Variants in TNFAIP2 observed in about 807,000 individuals in gnomAD.
TNFAIP2 encodes TNF alpha induced protein 2, also known as tumor necrosis factor alpha-induced protein 2.
Under a neutral mutation model 63.5 loss-of-function variants are expected in TNFAIP2, and 47 were observed. That is an observed-to-expected ratio of 0.74 (90% CI 0.59 to 0.94). The LOEUF (loss-of-function observed/expected upper bound fraction) is 0.94, where lower values mean the gene tolerates loss of function less well. Ranked by LOEUF, TNFAIP2 falls within the 40% of genes least tolerant of loss-of-function variation. TNFAIP2 has a pLI of 0.00. For missense variants in TNFAIP2, 787 were observed against 850.2 expected, an observed-to-expected ratio of 0.93 and a Z score of 0.92; for synonymous variants, 405 against 390.2, an observed-to-expected ratio of 1.04 and a Z score of -0.45.
At chr14:103,122,596 TC>T (rs1164012183), upstream of TNFAIP2, 4 of 449,760 alleles carry the variant, frequency 8.9e-6, no homozygotes, top group South Asian at 6.2e-5. Flanking sequence ...CCCCCACATC[TC>T]CCAAAACAAA....
intron 3 of TNFAIP2, 48 bp from the exon 4 acceptor site, chr14:103,129,692 G>A (rs1378116726): frequency 6.4e-7 from 1 of 1,554,734 alleles, no homozygotes; most frequent in Non-Finnish European, 8.9e-7. Context: ...TTGAGTGGTG[G>A]TGCTGATTTG....
Position 103,130,320 on chromosome 14 carries a change from C to T in TNFAIP2, c.1104C>T (p.Thr368=), listed in dbSNP as rs1441017171. 1 of 1,558,762 alleles carries T rather than the reference C, an allele frequency of 6.4e-7. No homozygotes were observed. The highest frequency in any genetic ancestry group is 1.2e-5 in the South Asian group (1 of 84,664). Residue 368 remains threonine, a synonymous_variant, in exon 6 of 12, where the codon ACC becomes ACT. Coordinates refer to ENST00000560869, the MANE Select transcript of TNFAIP2 (RefSeq NM_006291.4). ...CACCCACCACCACCCTGCAGATCAC[C>T]TCCCAGGCCCAGGCCAAGGCCGAGA... is the stretch of plus-strand genomic sequence containing the variant. ...SELAIDIIQI[T]SQAQAKAESI...
rs1342818406 is a variant in TNFAIP2, at chr14:103,136,114, C to T, written c.*754C>T. The T allele has an allele frequency of 8.7e-6, 9 of 1,036,096 alleles. No homozygotes were observed. The African/African-American group carries it at 1.2e-4, about 14-fold the overall frequency. The allele number at this position is 1,036,096 out of a possible 1,614,324, so 64.2% of individuals were successfully genotyped here. On this transcript the variant is annotated 3_prime_UTR_variant, in exon 12 of 12. Transcript: ENST00000560869. Reference sequence around the variant, plus strand: ...CTGGGTCCTCTCAGGCTCCCCCTTCCCCAAGGCAGGGACAGGCCCTGGGGG... The same window carrying T: ...CTGGGTCCTCTCAGGCTCCCCCTTCTCCAAGGCAGGGACAGGCCCTGGGGG...
chr14:103,127,245 C>T lies in TNFAIP2; in HGVS notation c.476C>T (p.Ala159Val). The change falls in exon 3 of 12, where the codon GCG (alanine) becomes GTG (valine). Residue 159 changes from alanine (A) to valine (V), a missense_variant. Coordinates refer to ENST00000560869, the MANE Select transcript of TNFAIP2 (RefSeq NM_006291.4). The surrounding 1 kb of genome is among the most constrained non-coding windows in gnomAD (Gnocchi z 5.1). ...ERLRQALAVV[A>V]EQEREDRQAA... ...CTGCGCCAGGCGCTGGCCGTGGTGG[C>T]GGAGCAGGAGCGCGAGGACCGCCAG... is the stretch of plus-strand genomic sequence containing the variant. The T allele has an allele frequency of 2.8e-6, 3 of 1,060,738 alleles. No homozygotes were observed. Among genetic ancestry groups the T allele is most frequent in the Non-Finnish European group, 3.4e-6 (3 of 878,148 alleles). The allele number at this position is 1,060,738 out of a possible 1,614,324, so 65.7% of individuals were successfully genotyped here. A position where few individuals can be genotyped will look rare whatever the true frequency, so the allele number is the denominator to read the frequency against.
At chr14:103,134,910 T>G (rs1285288997) in intron 11 of TNFAIP2, among the ~76,000 whole-genome samples, 2 of 152,214 alleles carry the variant, frequency 1.3e-5, no homozygotes, top group Non-Finnish European at 2.9e-5. Flanking sequence ...AGGTGCCGAC[T>G]TTAGAGACAA....
rs1190195891 is a variant in TNFAIP2, at chr14:103,129,853, C to T, written c.974C>T (p.Ala325Val). Residue 325 changes from alanine to valine, a missense_variant and splice_region_variant, in exon 4 of 12, where the codon GCG becomes GTG. Ala to Val is a moderately conservative substitution (Grantham distance 64). Coordinates refer to ENST00000560869, the MANE Select transcript of TNFAIP2 (RefSeq NM_006291.4). ...LLEATFLSSE[A>V]ANVRELMDRA... ...GAGGCCACATTCCTGTCCAGTGAGG[C>T]GGTGAGTCTCCACCTGGGCCAGGGA... 8 of 1,613,376 alleles carry T rather than the reference C, an allele frequency of 5.0e-6. No homozygotes were observed. The highest frequency in any genetic ancestry group is 3.3e-5 in the South Asian group (3 of 91,052).
chr14:103,133,282 C>G (rs1443070726), intron 9 of TNFAIP2, 80 bp from the exon 10 acceptor site: 1 of 1,533,572 alleles, frequency 6.5e-7, no homozygotes, highest in African/African-American at 1.4e-5. Context: ...CTCTGGAGGC[C>G]TGGCTACAAG....
Position 103,135,321 on chromosome 14 carries a change from G to A in TNFAIP2, c.1926G>A (p.Glu642=), listed in dbSNP as rs562243307. The part of the protein sequence containing the change: ...SILDVSMGAQ[E]PSRPLFSLIK... Reference sequence around the variant, plus strand: ...TGGACGTCAGCATGGGGGCGCAGGAGCCCTCCCGGCCCCTATTTTCCCTTA... The same window carrying A: ...TGGACGTCAGCATGGGGGCGCAGGAACCCTCCCGGCCCCTATTTTCCCTTA... The change falls in exon 12 of 12, where the codon GAG becomes GAA. Residue 642 remains glutamate, a synonymous_variant. Transcript: ENST00000560869. This position sits in a 1 kb window ranked among gnomAD's most constrained non-coding sequence, Gnocchi z 7.6. The A allele has an allele frequency of 5.0e-6, 8 of 1,613,172 alleles. No homozygotes were observed. The highest frequency in any genetic ancestry group is 4.4e-5 in the South Asian group (4 of 91,042).
In TNFAIP2 at chr14:103,132,678, TGTCTGC is replaced by T. The variant is rs1490945110; in HGVS notation, c.1423-69_1423-64del. ...GTGTCGGTGTGTGTCTGTGTCTGCG[TGTCTGC>T]GTGTCTGCGGCTGGCAGCCCTTCCT... On this transcript the variant is annotated intron_variant, in intron 8 of 11. Transcript: ENST00000560869. The T allele has an allele frequency of 3.2e-6, 5 of 1,559,438 alleles. No homozygotes were observed. In the African/African-American group the frequency reaches 6.8e-5, roughly 21 times the overall value.
chr14:103,127,669 G>T lies in TNFAIP2; in HGVS notation c.860+40G>T, dbSNP rs1175353038. The T allele has an allele frequency of 2.8e-6, 4 of 1,432,054 alleles. No homozygotes were observed. The highest frequency in any genetic ancestry group is 1.4e-5 in the African/African-American group (1 of 69,024). 88.7% of individuals were successfully genotyped at this position (1,432,054 alleles called of 1,614,324 possible). On this transcript the variant is annotated intron_variant, in intron 3 of 11. Transcript: ENST00000560869. This position sits in a 1 kb window ranked among gnomAD's most constrained non-coding sequence, Gnocchi z 5.1. ...GGCTGGGCCCGGGCCGGCAGGGAGGGTGTCCTCTGTAGGAGGGGTGTCGAG... is the reference window on the plus strand; with the variant it reads ...GGCTGGGCCCGGGCCGGCAGGGAGGTTGTCCTCTGTAGGAGGGGTGTCGAG...
chr14:103,126,792 C>A, intron 2 of TNFAIP2, 100 bp downstream of exon 2: 1 of 1,367,240 alleles, frequency 7.3e-7, no homozygotes, highest in Non-Finnish European at 9.8e-7. Context: ...GCAAGTGGGG[C>A]TGGAAGGCGC....
chr14:103,123,362 G>A (rs1201115599), upstream of TNFAIP2: 4 of 152,256 alleles, frequency 2.6e-5, no homozygotes, highest in Non-Finnish European at 5.9e-5. Context: ...GCCTCCGCCC[G>A]CGGGTTTTCC....
Position 103,127,610 on chromosome 14 carries a change from G to T in TNFAIP2, c.841G>T (p.Val281Leu). ...ERDTYMLLLW[V>L]QNLYPNDIIN... ...CGACACCTACATGCTGCTGCTCTGG[G>T]TGCAGAACCTCTACCCCAAGTGAGC... is the stretch of plus-strand genomic sequence containing the variant. The change falls in exon 3 of 12, where the codon GTG becomes TTG. Residue 281 changes from valine (V) to leucine (L), a missense_variant. Coordinates refer to ENST00000560869, the MANE Select transcript of TNFAIP2 (RefSeq NM_006291.4). This position sits in a 1 kb window ranked among gnomAD's most constrained non-coding sequence, Gnocchi z 5.1. 6.5e-7 allele frequency: 1 copy of T among 1,530,524 alleles called. No homozygotes were observed. Among genetic ancestry groups the T allele is most frequent in the East Asian group, 2.4e-5 (1 of 42,546 alleles). The allele number at this position is 1,530,524 out of a possible 1,614,324, so 94.8% of individuals were successfully genotyped here.
At chr14:103,128,905 C>T (rs8176388) in intron 3 of TNFAIP2, among the ~76,000 whole-genome samples, 2,172 of 152,288 alleles carry the variant, frequency 0.014, 42 homozygotes, top group African/African-American at 0.05. Context: ...GGCATGGAGC[C>T]CTGGTGAGAG....
chr14:103,132,497 G>A lies in TNFAIP2; in HGVS notation c.1423-253G>A, dbSNP rs188957593. ...TGGCAGTGGACTTGGCCTCCGGGCCGGCAGACAGGCTCTCCTGGCTCCTGA... is the reference window on the plus strand; with the variant it reads ...TGGCAGTGGACTTGGCCTCCGGGCCAGCAGACAGGCTCTCCTGGCTCCTGA... On this transcript the variant is annotated intron_variant, in intron 8 of 11. Coordinates refer to ENST00000560869, the MANE Select transcript of TNFAIP2 (RefSeq NM_006291.4). Among the ~76,000 whole-genome samples, 286 of 152,294 alleles carry A rather than the reference G, an allele frequency of 1.9e-3. 2 individuals are homozygous for A. Among genetic ancestry groups the A allele is most frequent in the Non-Finnish European group, 2.0e-3 (133 of 68,012 alleles).
At chr14:103,123,081 C>T, upstream of TNFAIP2, 1 of 264,268 alleles carries the variant, frequency 3.8e-6, no homozygotes, top group Non-Finnish European at 7.9e-6. Context: ...TCTCCCGCAG[C>T]TGGAGCCGGT....
At chr14:103,125,501 T>C (rs2087834480) in intron 1 of TNFAIP2, among the ~76,000 whole-genome samples, 1 of 152,036 alleles carries the variant, frequency 6.6e-6, no homozygotes. Flanking sequence ...AAGGAAGAGA[T>C]GGGATGGGCA....
chr14:103,132,981 T>TGTGC, intron 9 of TNFAIP2, 109 bp downstream of exon 9: 2 of 1,514,004 alleles, frequency 1.3e-6, no homozygotes, highest in Non-Finnish European at 1.8e-6. Context: ...CACGCGCACA[T>TGTGC]GTGAACACAC....
intron 8 of TNFAIP2, among the ~76,000 whole-genome samples, chr14:103,132,175 C>G (rs1378472118): frequency 1.3e-5 from 2 of 152,186 alleles, no homozygotes; most frequent in Non-Finnish European, 2.9e-5. Flanking sequence ...CCCCCATCCC[C>G]GCGCCTGACT....
Sources: gnomAD v4.1 joint callset for allele counts (sites outside exome capture counted in the v4.1 genomes callset) on GRCh38, gnomAD v4.1.1 for gene constraint, Gnocchi (gnomAD v3.1) non-coding constraint, MANE v1.5 for transcripts, NCBI Gene and HGNC (gene_info 2026-07-23, HGNC 2026-07-21) for gene names.